Variants in NFIB observed in about 807,000 individuals in gnomAD.
The protein encoded by NFIB is nuclear factor I B, also known as nuclear factor 1 B-type.
NFIB carries 11 observed loss-of-function variants against 61.5 expected under a neutral mutation model. The ratio of observed to expected loss-of-function variants is 0.18; its 90% confidence interval spans 0.11 to 0.30. The LOEUF (loss-of-function observed/expected upper bound fraction) is 0.30. Ranked by LOEUF, NFIB falls within the 10% of genes least tolerant of loss-of-function variation. The probability of loss-of-function intolerance (pLI) is 1.00; values close to 1 mark genes in which losing one functional copy is unlikely to be tolerated. For synonymous variants in NFIB, 260 were observed against 216.5 expected (o/e 1.20, Z -1.76); for missense variants, 471 against 608.9 (o/e 0.77, Z 2.38).
chr9:14,336,868 G>A (rs564559923), intron 1 of NFIB, among the ~76,000 whole-genome samples: 16 of 152,200 alleles, frequency 1.1e-4, no homozygotes, highest in Admixed American at 7.9e-4. Context: ...AGGTTTTGCA[G>A]GTCATACACT....
chr9:14,432,539 G>A, the NFIB span, among the ~76,000 whole-genome samples: 2 of 152,166 alleles, frequency 1.3e-5, no homozygotes, highest in East Asian at 1.9e-4. Context: ...ACCATAGATG[G>A]GCTTATTCTG....
intron 10 of NFIB, among the ~76,000 whole-genome samples, chr9:14,108,043 A>T (rs1280782498): frequency 6.6e-6 from 1 of 152,128 alleles, no homozygotes; most frequent in Non-Finnish European, 1.5e-5. Context: ...TGAATTTAAG[A>T]ACTAGCCAAA....
rs117438989 is a variant in NFIB, at chr9:14,162,834, T to G, written c.617-6941A>C. Reference sequence around the variant, plus strand: ...AATTCAATTTTTCAGATTTATAAATTTATTAGCACCGTTATTTTACAGTTT... The same window carrying G: ...AATTCAATTTTTCAGATTTATAAATGTATTAGCACCGTTATTTTACAGTTT... On this transcript the variant is annotated intron_variant, in intron 3 of 10. Coordinates refer to ENST00000380953, the MANE Select transcript of NFIB (RefSeq NM_001190737.2). Among the ~76,000 whole-genome samples, 921 of 152,230 alleles carry G rather than the reference T, an allele frequency of 6.1e-3. 17 individuals are homozygous for G. Among genetic ancestry groups the G allele is most frequent in the East Asian group, 0.043 (223 of 5,192 alleles).
chr9:14,139,863 G>C (rs2041484912), intron 6 of NFIB, among the ~76,000 whole-genome samples: 1 of 152,176 alleles, frequency 6.6e-6, no homozygotes, highest in South Asian at 2.1e-4. Context: ...TAGCAGTGTA[G>C]TTGAAGAGGC....
rs1339266148 is a variant in NFIB at position 14,289,120 on chromosome 9, A to ATG, written c.562+17867_562+17868dup. The stretch of plus-strand genomic sequence containing the variant: ...TGTGTGTGTGTATGTGTGTGTGTAT[A>ATG]TGTATATATATATATATATACATAT... On this transcript the variant is annotated intron_variant, in intron 2 of 10. Transcript: ENST00000380953. Among the ~76,000 whole-genome samples, 298 of 134,300 alleles carry ATG rather than the reference A, an allele frequency of 2.2e-3. 2 individuals carry two copies. The highest frequency in any genetic ancestry group is 2.3e-3 in the Non-Finnish European group (148 of 64,844). The allele number at this position is 134,300 out of a possible 152,430, so 88.1% of individuals were successfully genotyped here.
chr9:14,228,970 T>C (rs2052782296), intron 2 of NFIB, among the ~76,000 whole-genome samples: 1 of 151,972 alleles, frequency 6.6e-6, no homozygotes. Context: ...TTGTTTTTAT[T>C]ATAATCATTA....
rs111842561 is a variant in NFIB, at chr9:14,087,980, T to G, written c.*329A>C. On this transcript the variant is annotated 3_prime_UTR_variant, in exon 11 of 11. Transcript: ENST00000380953. The stretch of plus-strand genomic sequence containing the variant: ...AAAGGCTACGTTGCAGGGGCTGCGA[T>G]CTACCATCAGTGAAATATCATCGAC... 3 of 305,434 alleles carry G rather than the reference T, an allele frequency of 9.8e-6. No individual in the cohort carries two copies. Among genetic ancestry groups the G allele is most frequent in the Non-Finnish European group, 1.2e-5 (2 of 168,390 alleles). The allele number at this position is 305,434 out of a possible 1,614,324, so 18.9% of individuals were successfully genotyped here. A position where few individuals can be genotyped will look rare whatever the true frequency, so the allele number is the denominator to read the frequency against.
intron 2 of NFIB, among the ~76,000 whole-genome samples, chr9:14,221,898 C>T (rs1292492158): frequency 6.6e-6 from 1 of 152,122 alleles, no homozygotes; most frequent in Non-Finnish European, 1.5e-5. Flanking sequence ...TCTGAACCAC[C>T]ATATCTCAAT....
At chr9:14,111,886 G>A (rs1384776913) in intron 10 of NFIB, among the ~76,000 whole-genome samples, 1 of 152,122 alleles carries the variant, frequency 6.6e-6, no homozygotes, top group Non-Finnish European at 1.5e-5. Flanking sequence ...AGCTCTGCAT[G>A]TGGTGACCTC....
the NFIB span, among the ~76,000 whole-genome samples, chr9:14,409,434 G>T: frequency 6.6e-6 from 1 of 152,110 alleles, no homozygotes; most frequent in Non-Finnish European, 1.5e-5. Context: ...CACACGGCTG[G>T]ATTGCAGTTC....
At chr9:14,103,289 T>C (rs1390383117) in intron 10 of NFIB, among the ~76,000 whole-genome samples, 1 of 151,384 alleles carries the variant, frequency 6.6e-6, no homozygotes, top group African/African-American at 2.4e-5. Flanking sequence ...AGCAGATTTA[T>C]TGAAAAGATA....
At chr9:14,261,808 T>G (rs2056780147) in intron 2 of NFIB, among the ~76,000 whole-genome samples, 1 of 152,206 alleles carries the variant, frequency 6.6e-6, no homozygotes, top group Non-Finnish European at 1.5e-5. Flanking sequence ...GGCTTCAGTG[T>G]TTCTTTACAT....
rs2038133288 is a variant in NFIB, at chr9:14,116,322, C to T, written c.1270G>A (p.Gly424Arg). The T allele has an allele frequency of 3.3e-6, 5 of 1,529,492 alleles. No individual in the cohort carries two copies. The highest frequency in any genetic ancestry group is 2.5e-5 in the East Asian group (1 of 40,180). The allele number at this position is 1,529,492 out of a possible 1,614,324, so 94.7% of individuals were successfully genotyped here. A position where few individuals can be genotyped will look rare whatever the true frequency, so the allele number is the denominator to read the frequency against. The change falls in exon 9 of 11, where the codon GGG becomes AGG. Residue 424 changes from glycine (G) to arginine (R), a missense_variant. This residue lies in a region of NFIB where 372 missense variants were observed against 395.6 expected (regional missense o/e 0.94). Transcript: ENST00000380953. Reference protein sequence around the residue: ...SQPNGSGQVVGKVPGHFTPVL... With the variant: ...SQPNGSGQVVRKVPGHFTPVL... Reference sequence around the variant, plus strand: ...GGAGTGAAATGGCCAGGCACTTTCCCTACTACTTGACCACTGCCGTTAGGC... The same window carrying T: ...GGAGTGAAATGGCCAGGCACTTTCCTTACTACTTGACCACTGCCGTTAGGC...
intron 2 of NFIB, among the ~76,000 whole-genome samples, chr9:14,220,991 A>G (rs1000348625): frequency 2.6e-5 from 4 of 151,984 alleles, no homozygotes; most frequent in African/African-American, 9.7e-5. Context: ...CCTCACCCGA[A>G]AAGTCTGAAC....
intron 1 of NFIB, among the ~76,000 whole-genome samples, chr9:14,356,914 T>C (rs1311204390): frequency 6.6e-6 from 1 of 152,234 alleles, no homozygotes; most frequent in African/African-American, 2.4e-5. Flanking sequence ...ATACACTGAT[T>C]TATAGAAGCT....
intron 2 of NFIB, among the ~76,000 whole-genome samples, chr9:14,290,410 C>T (rs1054282633): frequency 1.3e-5 from 2 of 152,046 alleles, no homozygotes. Context: ...TGCACGTCTA[C>T]AATACGGCAG....
At chr9:14,380,627 A>T (rs940623103) in intron 1 of NFIB, among the ~76,000 whole-genome samples, 1 of 152,282 alleles carries the variant, frequency 6.6e-6, no homozygotes, top group African/African-American at 2.4e-5. Flanking sequence ...AAATCCAAAA[A>T]AAATGTTGTT....
At chr9:14,184,770 C>G (rs990751088) in intron 2 of NFIB, among the ~76,000 whole-genome samples, 2 of 152,136 alleles carry the variant, frequency 1.3e-5, no homozygotes. Flanking sequence ...CTGTAAATCC[C>G]AGCACTTTTG....
intron 1 of NFIB, among the ~76,000 whole-genome samples, chr9:14,327,696 C>A (rs1311610590): frequency 6.6e-6 from 1 of 152,182 alleles, no homozygotes; most frequent in Non-Finnish European, 1.5e-5. Flanking sequence ...TTTCTGCTCA[C>A]TTTGCAAGCA....
Sources: allele counts gnomAD v4.1 joint callset (sites outside exome capture counted in the v4.1 genomes callset), GRCh38; gene constraint gnomAD v4.1.1; regional missense constraint gnomAD v4.1.1; transcripts MANE v1.5; gene names NCBI Gene and HGNC (gene_info 2026-07-23, HGNC 2026-07-21).